The following REPS1 variants were observed in gnomAD, a reference collection of about 807,000 sequenced individuals.
REPS1 encodes RALBP1 associated Eps domain containing 1.
A neutral mutation model predicts 100.9 loss-of-function variants in REPS1; 39 were observed. The observed-to-expected ratio is 0.39, with a 90% CI of 0.30 to 0.50. The LOEUF (loss-of-function observed/expected upper bound fraction) is 0.50. REPS1 is among the 20% of genes least tolerant of loss of function. The pLI, the probability that REPS1 is intolerant of heterozygous loss-of-function variation, is 0.86. For synonymous variants in REPS1, 324 were observed against 340.3 expected, an observed-to-expected ratio of 0.95 and a Z score of 0.53; for missense variants, 821 against 968.5, an observed-to-expected ratio of 0.85 and a Z score of 2.02.
chr6:138,972,512 CAA>C (rs1174775322), intron 1 of REPS1, among the ~76,000 whole-genome samples: 2 of 151,930 alleles, frequency 1.3e-5, no homozygotes, highest in African/African-American at 4.8e-5. Context: ...ACCTTCCCTC[CAA>C]AAGAGTTAAC....
At chr6:138,921,742 TA>T (rs1235925422) in intron 10 of REPS1, among the ~76,000 whole-genome samples, 2 of 151,930 alleles carry the variant, frequency 1.3e-5, no homozygotes, top group Non-Finnish European at 2.9e-5. Flanking sequence ...CATGCCCGGC[TA>T]ATTTTTATAT....
At chr6:138,963,136 T>C (rs888855792) in intron 1 of REPS1, among the ~76,000 whole-genome samples, 7 of 30,600 alleles carry the variant, frequency 2.3e-4, no homozygotes, top group Non-Finnish European at 3.7e-4. Flanking sequence ...ACTAACTAAA[T>C]AAATAAATAA....
At chr6:138,934,628 T>C (rs1340198428) in intron 8 of REPS1, among the ~76,000 whole-genome samples, 3 of 152,326 alleles carry the variant, frequency 2.0e-5, no homozygotes, top group South Asian at 4.1e-4. Context: ...ACATCCTAAA[T>C]TTCTCTTATT....
At chr6:138,921,157 T>A (rs781106049) in intron 10 of REPS1, 33 bp from the exon 11 acceptor site, 3 of 1,403,794 alleles carry the variant, frequency 2.1e-6, no homozygotes, top group Admixed American at 1.9e-5. Flanking sequence ...AAAGAATTTG[T>A]ATTAAAATGT....
chr6:138,944,802 T>C (rs1402817976), intron 4 of REPS1, among the ~76,000 whole-genome samples, 180 bp from the exon 5 acceptor site: 2 of 152,236 alleles, frequency 1.3e-5, no homozygotes, highest in Non-Finnish European at 2.9e-5. Flanking sequence ...TCCTTGTCAA[T>C]AAAATGTATG....
chr6:138,915,954 C>T lies in REPS1; in HGVS notation c.1624G>A (p.Asp542Asn). ...GGGGGAGGTGGTGGTGCAGTGTTAT[C>T]AGGCGACGTTCCTGAATGAGACCTG... ...RQRSHSGTSP[D>N]NTAPPPPPPR... Residue 542 changes from aspartate to asparagine, a missense_variant, in exon 14 of 20, where the codon GAT (aspartate) becomes AAT (asparagine). Physicochemically the swap from Asp to Asn is conservative, Grantham distance 23. Around this residue, in one of 3 missense-constraint regions of REPS1, gnomAD observed 757 missense variants for 866.4 expected, o/e 0.87. Transcript: ENST00000450536. 1 of 1,613,800 alleles carries T rather than the reference C, an allele frequency of 6.2e-7. No individual in the cohort carries two copies. Among genetic ancestry groups the T allele is most frequent in the Non-Finnish European group, 8.5e-7 (1 of 1,179,796 alleles).
chr6:138,979,391 T>C (rs1278332334), intron 1 of REPS1, among the ~76,000 whole-genome samples: 2 of 152,080 alleles, frequency 1.3e-5, no homozygotes, highest in Admixed American at 1.3e-4. Context: ...TCCTCATACA[T>C]CTCTAGCTTC....
At chr6:138,927,242 T>C (rs978184189) in intron 9 of REPS1, 2 of 152,100 alleles carry the variant, frequency 1.3e-5, no homozygotes, top group African/African-American at 4.8e-5. Flanking sequence ...GCATGAGTTA[T>C]ATACAGATGT....
chr6:138,955,463 T>TAA lies in REPS1; in HGVS notation c.154-7551_154-7550insTT, dbSNP rs1201034760. On this transcript the variant is annotated intron_variant, in intron 1 of 19. Coordinates refer to ENST00000450536, the MANE Select transcript of REPS1 (RefSeq NM_001286611.2). ...TTTAAAAAAAAAAAAAAAAAGTGTGTGTGTGTGTGTGTGTGTGTGTGTGTG... is the reference window on the plus strand; with the variant it reads ...TTTAAAAAAAAAAAAAAAAAGTGTGTAAGTGTGTGTGTGTGTGTGTGTGTGTG... Among the ~76,000 whole-genome samples, 122 of 141,514 alleles carry TAA rather than the reference T, an allele frequency of 8.6e-4. 1 individual carries two copies. The highest frequency in any genetic ancestry group is 3.0e-3 in the African/African-American group (113 of 37,546). The allele number at this position is 141,514 out of a possible 152,430, so 92.8% of individuals were successfully genotyped here.
chr6:138,934,438 A>G, intron 8 of REPS1: 1 of 428,850 alleles, frequency 2.3e-6, no homozygotes, highest in Middle Eastern at 3.5e-4. Context: ...ACAACCCAGT[A>G]TGATCACACT....
intron 2 of REPS1, among the ~76,000 whole-genome samples, chr6:138,946,978 T>A (rs994190205): frequency 6.6e-6 from 1 of 151,196 alleles, no homozygotes; most frequent in Admixed American, 6.6e-5. Flanking sequence ...GCTCTTGTGA[T>A]AGTGAGCAAG....
intron 15 of REPS1, 33 bp from the exon 16 acceptor site, chr6:138,912,983 T>C (rs895790103): frequency 7.0e-6 from 11 of 1,566,040 alleles, no homozygotes; most frequent in Non-Finnish European, 9.6e-6. Flanking sequence ...GGAACACACA[T>C]TCTATCAGCC....
chr6:138,986,811 G>T (rs1785284737), intron 1 of REPS1, among the ~76,000 whole-genome samples: 1 of 152,090 alleles, frequency 6.6e-6, no homozygotes, highest in Admixed American at 6.5e-5. Context: ...AAACCTACAG[G>T]GTTTGCTCCT....
intron 18 of REPS1, 30 bp from the exon 19 acceptor site, chr6:138,907,630 A>G (rs147845519): frequency 7.5e-7 from 1 of 1,334,768 alleles, no homozygotes; most frequent in East Asian, 2.3e-5. Flanking sequence ...AAAAAAACCC[A>G]TAACCTTCAT....
intron 4 of REPS1, 73 bp from the exon 5 acceptor site, chr6:138,944,695 T>C: frequency 7.0e-7 from 1 of 1,434,118 alleles, no homozygotes; most frequent in Non-Finnish European, 9.5e-7. Flanking sequence ...TCTTTCCAAC[T>C]CTTACTCTGA....
intron 6 of REPS1, 95 bp from the exon 7 acceptor site, chr6:138,943,671 A>G: frequency 9.5e-7 from 1 of 1,050,566 alleles, no homozygotes; most frequent in South Asian, 1.7e-5. Context: ...CTGGGAAAAG[A>G]TATTTTTAAT....
At chr6:138,910,906 C>A (rs1006365845) in intron 17 of REPS1, 1 of 157,710 alleles carries the variant, frequency 6.3e-6, no homozygotes, top group Admixed American at 6.4e-5. Flanking sequence ...AAAATTATAC[C>A]TAAAACAGTT....
At chr6:138,950,389 G>A (rs1416391864) in intron 1 of REPS1, among the ~76,000 whole-genome samples, 1 of 152,160 alleles carries the variant, frequency 6.6e-6, no homozygotes, top group Non-Finnish European at 1.5e-5. Context: ...GCTGAAGTGG[G>A]AGGATCACTT....
intron 10 of REPS1, among the ~76,000 whole-genome samples, chr6:138,925,282 G>A (rs536684484): frequency 1.9e-4 from 29 of 152,092 alleles, no homozygotes; most frequent in Admixed American, 1.0e-3. Flanking sequence ...TAGGAGAATC[G>A]GTTGAACCCA....
Sources: allele counts gnomAD v4.1 joint callset (sites outside exome capture counted in the v4.1 genomes callset), GRCh38; gene constraint gnomAD v4.1.1; regional missense constraint gnomAD v4.1.1; transcripts MANE v1.5; gene names NCBI Gene and HGNC (gene_info 2026-07-23, HGNC 2026-07-21).